CACNG7: variants seen among roughly 807,000 people sequenced by gnomAD.
CACNG7 encodes calcium voltage-gated channel auxiliary subunit gamma 7.
A neutral mutation model predicts 26.3 loss-of-function variants in CACNG7; 9 were observed. The ratio of observed to expected loss-of-function variants is 0.34; its 90% CI spans 0.21 to 0.60. The LOEUF is 0.60. Among genes scored for constraint, CACNG7 ranks in the 20% least tolerant of loss-of-function variants. The probability of loss-of-function intolerance (pLI) is 0.81; values close to 1 mark genes in which losing one functional copy is unlikely to be tolerated. For synonymous variants in CACNG7, 170 were observed against 157.0 expected (o/e 1.08, Z -0.62); for missense variants, 297 against 380.4 (o/e 0.78, Z 1.82).
Position 53,941,744 on chromosome 19 carries a change from G to C in CACNG7, c.570+129G>C, listed in dbSNP as rs1340835032. The C allele has an allele frequency of 4.2e-6, 5 of 1,202,374 alleles. No homozygotes were observed. The African/African-American group carries it at 7.8e-5, about 19-fold the overall frequency. 74.5% of individuals were successfully genotyped at this position (1,202,374 alleles called of 1,614,324 possible). A position where few individuals can be genotyped will look rare whatever the true frequency, so the allele number is the denominator to read the frequency against. On this transcript the variant is annotated intron_variant, in intron 5 of 5. Transcript: ENST00000391767. Reference sequence around the variant, plus strand: ...GGCGTCAGAGGGAGGTGGTAGCTGAGGGTCTAACCCCTGGGTCCTGGAGGA... The same window carrying C: ...GGCGTCAGAGGGAGGTGGTAGCTGACGGTCTAACCCCTGGGTCCTGGAGGA...
intron 4 of CACNG7, among the ~76,000 whole-genome samples, chr19:53,922,401 C>CCTGGTCATTGGTGGAGTTGTCCCAGGT (rs1568775370): frequency 2.1e-5 from 2 of 93,534 alleles, no homozygotes; most frequent in East Asian, 3.0e-4. Flanking sequence ...TGTCCCCAGG[C>CCTGGTCATTGGTGGAGTTGTCCCAGGT]CTGGTCATTG....
At chr19:53,921,674 TC>T (rs1431527671) in intron 4 of CACNG7, among the ~76,000 whole-genome samples, 1 of 105,660 alleles carries the variant, frequency 9.5e-6, no homozygotes, top group Admixed American at 8.8e-5. Context: ...CCAGGTCTGG[TC>T]ATTGGTGGAC....
At chr19:53,941,804 G>C (rs1326429587) in intron 5 of CACNG7, 189 bp downstream of exon 5, 26 of 865,214 alleles carry the variant, frequency 3.0e-5, no homozygotes, top group Non-Finnish European at 3.9e-5. Flanking sequence ...TTGGGATCCT[G>C]GGGGAGGAGG....
chr19:53,926,906 CTG>C (rs1459365203), intron 4 of CACNG7, among the ~76,000 whole-genome samples: 1 of 152,096 alleles, frequency 6.6e-6, no homozygotes, highest in Non-Finnish European at 1.5e-5. Context: ...GAACAAGACT[CTG>C]TCTCAGAAAA....
intron 4 of CACNG7, among the ~76,000 whole-genome samples, chr19:53,924,589 G>A (rs1404296680): frequency 6.7e-6 from 1 of 148,528 alleles, no homozygotes; most frequent in Non-Finnish European, 1.5e-5. Context: ...CCCCAGGCTG[G>A]TCATTGGTGG....
rs200628435 is a variant in CACNG7, at chr19:53,912,933, G to T, written c.102G>T (p.Leu34=). ...TCGCGGTCAGCACTGACTACTGGCT[G>T]TACATGGAAGAAGGCACAGTGCTAC... ...VGIAVSTDYW[L]YMEEGTVLPQ... is the part of the protein sequence containing the mutation. Residue 34 remains leucine, a synonymous_variant, in exon 2 of 6, where the codon CTG becomes CTT. Transcript: ENST00000391767. The surrounding 1 kb of genome is among the most constrained non-coding windows in gnomAD (Gnocchi z 4.6). 6.2e-7 allele frequency: 1 copy of T among 1,614,128 alleles called. No homozygotes were observed. The highest frequency in any genetic ancestry group is 8.5e-7 in the Non-Finnish European group (1 of 1,180,022).
At chr19:53,914,972 A>C (rs1474890504) in intron 3 of CACNG7, among the ~76,000 whole-genome samples, 1 of 150,644 alleles carries the variant, frequency 6.6e-6, no homozygotes, top group Non-Finnish European at 1.5e-5. Context: ...ACTGCACTCC[A>C]GCCTGGGCAA....
Position 53,941,351 on chromosome 19 carries a change from G to A in CACNG7, c.425-119G>A. ...CCCAACCAAGGCCCAGCATACAAGG[G>A]GCTTCAGGGAAGTTAGTCCAGGACA... On this transcript the variant is annotated intron_variant, in intron 4 of 5. Transcript: ENST00000391767. 3 of 1,160,320 alleles carry A rather than the reference G, an allele frequency of 2.6e-6. No homozygotes were observed. The South Asian group carries it at 5.7e-5, about 22-fold the overall frequency. The allele number at this position is 1,160,320 out of a possible 1,614,324, so 71.9% of individuals were successfully genotyped here.
At chr19:53,917,832 G>A (rs767591553) in intron 4 of CACNG7, among the ~76,000 whole-genome samples, 4 of 152,136 alleles carry the variant, frequency 2.6e-5, no homozygotes, top group Non-Finnish European at 5.9e-5. Context: ...TCGAAGAGGC[G>A]ACATAGCTTG....
At chr19:53,929,111 C>CAAA (rs1157941961) in intron 4 of CACNG7, among the ~76,000 whole-genome samples, 13 of 36,464 alleles carry the variant, frequency 3.6e-4, no homozygotes, top group African/African-American at 1.5e-3. Context: ...GACTCCACCT[C>CAAA]AAAAAAAAAA....
At chr19:53,916,069 C>T (rs1056826972) in intron 4 of CACNG7, among the ~76,000 whole-genome samples, 5 of 152,228 alleles carry the variant, frequency 3.3e-5, no homozygotes, top group African/African-American at 1.2e-4. Flanking sequence ...GGTCACTAGA[C>T]TTGCATGGTC....
At chr19:53,923,868 G>A (rs1441035276) in intron 4 of CACNG7, among the ~76,000 whole-genome samples, 2 of 130,850 alleles carry the variant, frequency 1.5e-5, no homozygotes, top group East Asian at 2.3e-4. Flanking sequence ...CATTGGTGGA[G>A]TTGCCCCAGG....
At chr19:53,917,796 C>T (rs2068908239) in intron 4 of CACNG7, among the ~76,000 whole-genome samples, 1 of 151,952 alleles carries the variant, frequency 6.6e-6, no homozygotes, top group Non-Finnish European at 1.5e-5. Flanking sequence ...CCATTGTTTG[C>T]GGTTCACAGG....
chr19:53,942,426 C>A lies in CACNG7; in HGVS notation c.*133C>A. 1 of 1,495,688 alleles carries A rather than the reference C, an allele frequency of 6.7e-7. No homozygotes were observed. The highest frequency in any genetic ancestry group is 8.9e-7 in the Non-Finnish European group (1 of 1,128,694). 92.7% of individuals were successfully genotyped at this position (1,495,688 alleles called of 1,614,324 possible). ...GAGGAGGCTGCGCCAGCTTTAGGCCCCGCCCTCCTCCCAATGGCTCCGCCC... is the reference window on the plus strand; with the variant it reads ...GAGGAGGCTGCGCCAGCTTTAGGCCACGCCCTCCTCCCAATGGCTCCGCCC... On this transcript the variant is annotated 3_prime_UTR_variant, in exon 6 of 6. Transcript: ENST00000391767. This position sits in a 1 kb window ranked among gnomAD's most constrained non-coding sequence, Gnocchi z 5.9.
intron 1 of CACNG7, among the ~76,000 whole-genome samples, chr19:53,911,312 C>A (rs775136235): frequency 4.6e-5 from 7 of 152,160 alleles, no homozygotes; most frequent in Middle Eastern, 3.4e-3. Flanking sequence ...GTGATCCACC[C>A]ACCTCAGCCT....
chr19:53,931,721 A>G (rs1222962968), intron 4 of CACNG7, among the ~76,000 whole-genome samples: 1 of 148,208 alleles, frequency 6.7e-6, no homozygotes, highest in Non-Finnish European at 1.5e-5. Flanking sequence ...AAGGAAAAAA[A>G]GCCTAATTCC....
Position 53,943,130 on chromosome 19 carries a change from C to G in CACNG7, c.*837C>G, listed in dbSNP as rs1391539031. ...GCCCTTGGGTGCATCCCGCCCTAGG[C>G]GCACACCAGACGGCCAGAATGGGGA... On this transcript the variant is annotated 3_prime_UTR_variant, in exon 6 of 6. Coordinates refer to ENST00000391767, the MANE Select transcript of CACNG7 (RefSeq NM_031896.5). 6.6e-6 allele frequency: 1 copy of G among 152,210 alleles called. No individual in the cohort carries two copies. 9.4% of individuals were successfully genotyped at this position (152,210 alleles called of 1,614,324 possible). A position where few individuals can be genotyped will look rare whatever the true frequency, so the allele number is the denominator to read the frequency against.
intron 4 of CACNG7, among the ~76,000 whole-genome samples, chr19:53,918,931 G>C (rs1205931149): frequency 2.0e-5 from 3 of 152,098 alleles, no homozygotes; most frequent in Non-Finnish European, 4.4e-5. Flanking sequence ...AGTGCACCCG[G>C]CTAATTTTTT....
At chr19:53,933,653 C>T (rs1327171508) in intron 4 of CACNG7, among the ~76,000 whole-genome samples, 1 of 151,162 alleles carries the variant, frequency 6.6e-6, no homozygotes. Flanking sequence ...TAGATGGATG[C>T]AGGTTTGATT....
Sources: gnomAD v4.1 joint callset for allele counts (sites outside exome capture counted in the v4.1 genomes callset) on GRCh38, gnomAD v4.1.1 for gene constraint, Gnocchi (gnomAD v3.1) non-coding constraint, MANE v1.5 for transcripts, NCBI Gene and HGNC (gene_info 2026-07-23, HGNC 2026-07-21) for gene names.